Variants in PDCD6IP observed in about 807,000 individuals in gnomAD.
PDCD6IP encodes the protein programmed cell death 6 interacting protein, also known as programmed cell death 6-interacting protein.
PDCD6IP carries 43 observed loss-of-function variants against 103.7 expected under a neutral mutation model. The observed-to-expected ratio is 0.41, with a 90% CI of 0.32 to 0.53. The LOEUF is 0.53. Ranked by LOEUF, PDCD6IP falls within the 20% of genes least tolerant of loss-of-function variation. PDCD6IP has a pLI of 0.16. For synonymous variants in PDCD6IP, 354 were observed against 378.7 expected, an observed-to-expected ratio of 0.93 and a Z score of 0.76; for missense variants, 871 against 1,036.7, an observed-to-expected ratio of 0.84 and a Z score of 2.20.
chr3:33,825,232 G>A lies in PDCD6IP; in HGVS notation c.508G>A (p.Ala170Thr), dbSNP rs1370178092. 6.2e-7 allele frequency: 1 copy of A among 1,613,236 alleles called. No homozygotes were observed. The highest frequency in any genetic ancestry group is 2.2e-5 in the East Asian group (1 of 44,840). The change falls in exon 5 of 18, where the codon GCC (alanine) becomes ACC (threonine). Residue 170 changes from alanine (A) to threonine (T), a missense_variant. By Grantham distance (58) the Ala-to-Thr change is moderately conservative (BLOSUM62 0). This residue lies in a region of PDCD6IP where 242 missense variants were observed against 250.7 expected (regional missense o/e 0.97). Transcript: ENST00000307296. ...ACATATTAAAGAGACGGTTTTATCTGCCTTAAGTCGAGAGCCGACCGTGGA... is the reference window on the plus strand; with the variant it reads ...ACATATTAAAGAGACGGTTTTATCTACCTTAAGTCGAGAGCCGACCGTGGA... ...FLHIKETVLS[A>T]LSREPTVDIS...
chr3:33,865,491 C>T, intron 17 of PDCD6IP, 61 bp downstream of exon 17: 1 of 1,400,366 alleles, frequency 7.1e-7, no homozygotes. Context: ...TCTGGCTAAC[C>T]TGTTAAAAAC....
intron 15 of PDCD6IP, among the ~76,000 whole-genome samples, chr3:33,860,698 AG>A (rs1559798837): frequency 5.9e-5 from 9 of 152,230 alleles, no homozygotes; most frequent in Admixed American, 5.9e-4. Flanking sequence ...GAGATTCATC[AG>A]TATAGTTGTG....
At chr3:33,807,365 C>A (rs1575898628) in intron 1 of PDCD6IP, among the ~76,000 whole-genome samples, 1 of 152,306 alleles carries the variant, frequency 6.6e-6, no homozygotes, top group Admixed American at 6.5e-5. Context: ...TAGCTGTTTG[C>A]CTCTGTTCCA....
At chr3:33,821,357 A>G (rs1057132405) in intron 3 of PDCD6IP, among the ~76,000 whole-genome samples, 3 of 151,998 alleles carry the variant, frequency 2.0e-5, no homozygotes, top group East Asian at 3.9e-4. Flanking sequence ...CAGTTTGTCT[A>G]TATCTTCATC....
intron 13 of PDCD6IP, 66 bp from the exon 14 acceptor site, chr3:33,853,813 A>G: frequency 8.2e-7 from 1 of 1,213,938 alleles, no homozygotes; most frequent in African/African-American, 1.6e-5. Context: ...AAAGATCAAT[A>G]AAAATGTTAT....
chr3:33,832,566 T>A (rs547316550), intron 7 of PDCD6IP, among the ~76,000 whole-genome samples: 118 of 152,312 alleles, frequency 7.7e-4, no homozygotes, highest in African/African-American at 2.7e-3. Flanking sequence ...AAAGTCTTCT[T>A]CCAAATGGCT....
intron 6 of PDCD6IP, chr3:33,828,432 G>GT (rs1697175823): frequency 6.5e-6 from 1 of 152,756 alleles, no homozygotes; most frequent in Admixed American, 6.5e-5. Flanking sequence ...AGTAATGATG[G>GT]TTTAGTTAAC....
rs148683027 is a variant in PDCD6IP at position 33,865,367 on chromosome 3, C to T, written c.2369C>T (p.Pro790Leu). 7 of 1,601,232 alleles carry T rather than the reference C, an allele frequency of 4.4e-6. No individual in the cohort carries two copies. The highest frequency in any genetic ancestry group is 1.4e-5 in the African/African-American group (1 of 73,770). ...GTAAPAPSQT[P>L]GSAPPPQAQG... ...GCTGCGCCAGCTCCATCACAAACGC[C>T]TGGCTCAGCTCCTCCTCCACAGGCG... The change falls in exon 17 of 18, where the codon CCT (proline) becomes CTT (leucine). Residue 790 changes from proline (P) to leucine (L), a missense_variant. Around this residue, in one of 5 missense-constraint regions of PDCD6IP, gnomAD observed 202 missense variants for 205.2 expected, o/e 0.98. Coordinates refer to ENST00000307296, the MANE Select transcript of PDCD6IP (RefSeq NM_013374.6).
chr3:33,814,354 C>G (rs1229437651), intron 3 of PDCD6IP, among the ~76,000 whole-genome samples: 5 of 151,864 alleles, frequency 3.3e-5, no homozygotes, highest in South Asian at 2.1e-4. Flanking sequence ...AGGCTGGTCT[C>G]AAACTCCCGA....
chr3:33,842,741 A>G (rs1363803260), intron 10 of PDCD6IP, among the ~76,000 whole-genome samples: 2 of 152,194 alleles, frequency 1.3e-5, no homozygotes, highest in Non-Finnish European at 2.9e-5. Context: ...TTATGCGGTC[A>G]TGGCACATTT....
At chr3:33,857,299 G>C (rs535971208) in intron 15 of PDCD6IP, among the ~76,000 whole-genome samples, 2 of 152,156 alleles carry the variant, frequency 1.3e-5, no homozygotes, top group African/African-American at 4.8e-5. Flanking sequence ...TTCTGCCTCA[G>C]CTTCTTAAGT....
chr3:33,836,714 C>T (rs1697357424), intron 8 of PDCD6IP, among the ~76,000 whole-genome samples: 1 of 148,898 alleles, frequency 6.7e-6, no homozygotes, highest in African/African-American at 2.5e-5. Flanking sequence ...AAAAAATTAA[C>T]TGGGCATGGT....
At chr3:33,805,282 A>C (rs1696568910) in intron 1 of PDCD6IP, among the ~76,000 whole-genome samples, 1 of 147,702 alleles carries the variant, frequency 6.8e-6, no homozygotes, top group Non-Finnish European at 1.5e-5. Flanking sequence ...TTGAACCCGG[A>C]AGGTGGAGGT....
chr3:33,834,429 T>C (rs1257545168), intron 7 of PDCD6IP, among the ~76,000 whole-genome samples: 1 of 152,224 alleles, frequency 6.6e-6, no homozygotes, highest in Non-Finnish European at 1.5e-5. Flanking sequence ...AAATCAAATT[T>C]GATTTACAAA....
chr3:33,825,176 C>T lies in PDCD6IP; in HGVS notation c.463-11C>T. 6.3e-7 allele frequency: 1 copy of T among 1,598,954 alleles called. No homozygotes were observed. ...GAGTTCCTATAAAGAAATTCTTTTT[C>T]CCCCCTTTAGTTTGCTAGTGGTGCC... is the stretch of plus-strand genomic sequence containing the variant. On this transcript the variant is annotated splice_polypyrimidine_tract_variant and intron_variant, in intron 4 of 17. Transcript: ENST00000307296.
chr3:33,811,387 G>T (rs1415858028), intron 1 of PDCD6IP, among the ~76,000 whole-genome samples: 1 of 152,166 alleles, frequency 6.6e-6, no homozygotes, highest in African/African-American at 2.4e-5. Flanking sequence ...ATGAAGGGGT[G>T]GGGGAAGTAT....
intron 11 of PDCD6IP, among the ~76,000 whole-genome samples, chr3:33,844,669 C>T (rs1265036401): frequency 2.6e-5 from 4 of 151,880 alleles, no homozygotes; most frequent in East Asian, 3.9e-4. Flanking sequence ...TTTGCAGAGA[C>T]GAGGTTTTAC....
intron 1 of PDCD6IP, among the ~76,000 whole-genome samples, chr3:33,809,741 C>T (rs542288287): frequency 7.2e-5 from 11 of 152,172 alleles, no homozygotes; most frequent in African/African-American, 9.7e-5. Context: ...TTAATTGTTA[C>T]GTCTCTTTAA....
At chr3:33,802,188 C>G (rs1696490113) in intron 1 of PDCD6IP, among the ~76,000 whole-genome samples, 1 of 152,194 alleles carries the variant, frequency 6.6e-6, no homozygotes, top group Non-Finnish European at 1.5e-5. Flanking sequence ...GCAATCATAT[C>G]CAAGTTCCAG....
Sources: allele counts gnomAD v4.1 joint callset (sites outside exome capture counted in the v4.1 genomes callset), GRCh38; gene constraint gnomAD v4.1.1; regional missense constraint gnomAD v4.1.1; transcripts MANE v1.5; gene names NCBI Gene and HGNC (gene_info 2026-07-23, HGNC 2026-07-21).